DLGAP2: variants seen among roughly 807,000 people sequenced by gnomAD.
DLGAP2 encodes DLG associated protein 2.
A neutral mutation model predicts 100.3 loss-of-function variants in DLGAP2; 26 were observed. The observed-to-expected ratio is 0.26, with a 90% CI of 0.19 to 0.36. DLGAP2 has a LOEUF of 0.36. DLGAP2 is among the 10% of genes least tolerant of loss of function. The pLI, the probability that DLGAP2 is intolerant of heterozygous loss-of-function variation, is 1.00. For missense variants in DLGAP2, 1,858 were observed against 1,453.2 expected (o/e 1.28, Z -4.53); for synonymous variants, 886 against 630.1 (o/e 1.41, Z -6.08).
At chr8:826,198 C>T (rs1385189617) in intron 1 of DLGAP2, among the ~76,000 whole-genome samples, 1 of 152,214 alleles carries the variant, frequency 6.6e-6, no homozygotes, top group African/African-American at 2.4e-5. Flanking sequence ...TGTGTATGTG[C>T]ACCACATTTT....
At chr8:1,245,074 A>G (rs571454612) in intron 2 of DLGAP2, among the ~76,000 whole-genome samples, 8 of 152,330 alleles carry the variant, frequency 5.3e-5, no homozygotes, top group Non-Finnish European at 1.2e-4. Context: ...GATGGCCATA[A>G]TGGCAGAGAC....
intron 3 of DLGAP2, among the ~76,000 whole-genome samples, chr8:1,271,620 G>T (rs1353983005): frequency 2.0e-5 from 3 of 152,160 alleles, no homozygotes; most frequent in African/African-American, 7.2e-5. Context: ...TAATGATGAT[G>T]AATATTGATC....
At chr8:1,012,910 G>A (rs1801338987) in intron 2 of DLGAP2, among the ~76,000 whole-genome samples, 1 of 152,074 alleles carries the variant, frequency 6.6e-6, no homozygotes, top group South Asian at 2.1e-4. Flanking sequence ...TGTGCCTGGC[G>A]ATTGCATCTG....
chr8:1,287,633 AGTGTGTGT>A (rs782499346), intron 3 of DLGAP2, among the ~76,000 whole-genome samples: 9 of 69,632 alleles, frequency 1.3e-4, no homozygotes, highest in Non-Finnish European at 2.0e-4. Flanking sequence ...GTTTCGGTTG[AGTGTGTGT>A]GTGTGTGTGT....
At chr8:817,552 TA>T in intron 1 of DLGAP2, among the ~76,000 whole-genome samples, 1 of 152,228 alleles carries the variant, frequency 6.6e-6, no homozygotes, top group East Asian at 1.9e-4. Flanking sequence ...TTTATCCTGT[TA>T]CCAGAATTGT....
At chr8:1,058,158 C>A (rs547935642) in intron 2 of DLGAP2, among the ~76,000 whole-genome samples, 3 of 151,586 alleles carry the variant, frequency 2.0e-5, no homozygotes, top group South Asian at 4.2e-4. Flanking sequence ...TGACTAGCGG[C>A]GGGTCTGGGG....
intron 3 of DLGAP2, among the ~76,000 whole-genome samples, chr8:1,327,134 T>A (rs1801040255): frequency 6.6e-6 from 1 of 152,258 alleles, no homozygotes; most frequent in South Asian, 2.1e-4. Context: ...TCCATCCTCC[T>A]GACACTGAGC....
chr8:807,116 C>A (rs1266434217), intron 1 of DLGAP2, among the ~76,000 whole-genome samples: 2 of 152,248 alleles, frequency 1.3e-5, no homozygotes, highest in Non-Finnish European at 2.9e-5. Context: ...AGGGTTTTAA[C>A]TTGCTCTGTG....
At chr8:1,048,138 T>A (rs1802566425) in intron 2 of DLGAP2, among the ~76,000 whole-genome samples, 1 of 152,138 alleles carries the variant, frequency 6.6e-6, no homozygotes, top group Non-Finnish European at 1.5e-5. Flanking sequence ...GCCTCAGATT[T>A]TTAATCTACA....
intron 2 of DLGAP2, among the ~76,000 whole-genome samples, chr8:1,052,488 G>A (rs73538183): frequency 0.059 from 9,035 of 152,278 alleles, 870 homozygotes; most frequent in African/African-American, 0.21. Context: ...GGGGAGAGGA[G>A]GGAGTATCAT....
At position 1,007,921 on chromosome 8, in the gene DLGAP2, A is replaced by C. The variant is rs184885883; in HGVS notation, c.73+99955A>C. Reference sequence around the variant, plus strand: ...CCATAGTAGGGGAGGGAATCAACCCACTCCATGGCGCCCGGTCCGTCTCGC... The same window carrying C: ...CCATAGTAGGGGAGGGAATCAACCCCCTCCATGGCGCCCGGTCCGTCTCGC... On this transcript the variant is annotated intron_variant, in intron 2 of 14. Transcript: ENST00000637795. Among the ~76,000 whole-genome samples, 194 of 152,130 alleles carry C rather than the reference A, an allele frequency of 1.3e-3. 1 individual carries two copies. Among genetic ancestry groups the C allele is most frequent in the Non-Finnish European group, 2.1e-3 (142 of 68,010 alleles).
chr8:1,090,046 A>C (rs1259758537), intron 2 of DLGAP2, among the ~76,000 whole-genome samples: 2 of 149,622 alleles, frequency 1.3e-5, no homozygotes, highest in South Asian at 4.3e-4. Flanking sequence ...GTGGAAACTC[A>C]TACCCCGAGG....
At chr8:892,416 G>A (rs1798054415) in intron 1 of DLGAP2, among the ~76,000 whole-genome samples, 1 of 152,154 alleles carries the variant, frequency 6.6e-6, no homozygotes, top group African/African-American at 2.4e-5. Flanking sequence ...TGAACCCTGG[G>A]GACACTATGC....
At chr8:1,584,453 A>G (rs190145820) in intron 6 of DLGAP2, among the ~76,000 whole-genome samples, 1 of 152,138 alleles carries the variant, frequency 6.6e-6, no homozygotes, top group Non-Finnish European at 1.5e-5. Context: ...CCTGGGGAGG[A>G]GGCATCCTCT....
intron 6 of DLGAP2, among the ~76,000 whole-genome samples, chr8:1,594,363 A>C (rs1315057059): frequency 6.6e-6 from 1 of 152,164 alleles, no homozygotes; most frequent in Non-Finnish European, 1.5e-5. Flanking sequence ...GAAGGAACAA[A>C]ATGAGAATTT....
intron 2 of DLGAP2, among the ~76,000 whole-genome samples, chr8:1,189,723 TCG>T (rs1797593115): frequency 6.8e-6 from 1 of 146,986 alleles, no homozygotes; most frequent in Admixed American, 7.2e-5. Context: ...TGAAGCGAGC[TCG>T]AGTTATCCAA....
intron 3 of DLGAP2, among the ~76,000 whole-genome samples, chr8:1,283,699 T>C (rs4269569): frequency 0.13 from 19,510 of 152,242 alleles, 1,521 homozygotes; most frequent in East Asian, 0.24. Context: ...TTGAAAATGT[T>C]CATGCCCTTT....
At chr8:1,364,592 C>T (rs1802066405) in intron 3 of DLGAP2, among the ~76,000 whole-genome samples, 2 of 152,174 alleles carry the variant, frequency 1.3e-5, no homozygotes, top group South Asian at 2.1e-4. Flanking sequence ...ATCTTCGCAG[C>T]AGGGGCCGGC....
At chr8:1,499,485 G>C (rs187533401) in intron 3 of DLGAP2, among the ~76,000 whole-genome samples, 5 of 152,312 alleles carry the variant, frequency 3.3e-5, no homozygotes, top group African/African-American at 1.2e-4. Context: ...GGAAACTGTA[G>C]TTAATTAGAG....
Sources: allele counts gnomAD v4.1 joint callset (sites outside exome capture counted in the v4.1 genomes callset), GRCh38; gene constraint gnomAD v4.1.1; transcripts MANE v1.5; gene names NCBI Gene and HGNC (gene_info 2026-07-23, HGNC 2026-07-21).